The following PDE6C variants were observed in gnomAD, a reference collection of about 807,000 sequenced individuals.
PDE6C encodes the protein cone cGMP-specific 3',5'-cyclic phosphodiesterase subunit alpha'.
PDE6C carries 75 observed loss-of-function variants against 113.1 expected under a neutral mutation model. The observed-to-expected ratio is 0.66, with a 90% CI of 0.55 to 0.80. PDE6C has a LOEUF of 0.80. Among genes scored for constraint, PDE6C ranks in the 30% least tolerant of loss-of-function variants. The pLI, the probability that PDE6C is intolerant of heterozygous loss-of-function variation, is 0.00. For missense variants in PDE6C, 912 were observed against 1,038.6 expected, an observed-to-expected ratio of 0.88 and a Z score of 1.67; for synonymous variants, 375 against 363.7, an observed-to-expected ratio of 1.03 and a Z score of -0.35.
chr10:93,617,353 G>T lies in PDE6C; in HGVS notation c.481-3279G>T, dbSNP rs977088231. ...GGCTTTCAGATGCAATAATAAGCAA[G>T]TATCAAATTTTGAAACTTACAAGCC... On this transcript the variant is annotated intron_variant, in intron 1 of 21. Coordinates refer to ENST00000371447, the MANE Select transcript of PDE6C (RefSeq NM_006204.4). Among the ~76,000 whole-genome samples, 6 of 152,274 alleles carry T rather than the reference G, an allele frequency of 3.9e-5. No homozygotes were observed. The East Asian group carries it at 1.2e-3, about 29-fold the overall frequency.
chr10:93,625,800 C>T (rs1240391716), intron 5 of PDE6C, 151 bp downstream of exon 5: 3 of 677,080 alleles, frequency 4.4e-6, no homozygotes, highest in Admixed American at 2.1e-5. Context: ...CCCAGCTATG[C>T]CCCAAGCTAG....
chr10:93,621,910 T>C (rs2058448404), intron 3 of PDE6C, 22 bp from the exon 4 acceptor site: 12 of 1,610,416 alleles, frequency 7.5e-6, no homozygotes, highest in Non-Finnish European at 9.3e-6. Flanking sequence ...CTAACTGTTT[T>C]CTTTTTGATA....
At chr10:93,629,865 C>G (rs1369103123) in intron 8 of PDE6C, among the ~76,000 whole-genome samples, 2 of 152,152 alleles carry the variant, frequency 1.3e-5, no homozygotes, top group Non-Finnish European at 2.9e-5. Flanking sequence ...GTACCCACTG[C>G]TCTCCTCCTG....
chr10:93,651,876 A>G (rs776058660), intron 15 of PDE6C, among the ~76,000 whole-genome samples: 37 of 152,192 alleles, frequency 2.4e-4, no homozygotes, highest in Non-Finnish European at 4.3e-4. Flanking sequence ...TGTGTTGTCA[A>G]AGTAGGTCTT....
chr10:93,655,973 C>T (rs1264479745), intron 16 of PDE6C, 113 bp downstream of exon 16: 1 of 753,386 alleles, frequency 1.3e-6, no homozygotes, highest in Non-Finnish European at 2.5e-6. Flanking sequence ...CATACACACA[C>T]ACAGACACAC....
chr10:93,636,395 T>TGTGTGTGTGTGTGTGTGTG (rs1554890073), intron 10 of PDE6C, among the ~76,000 whole-genome samples: 8 of 148,528 alleles, frequency 5.4e-5, no homozygotes, highest in African/African-American at 2.1e-4. Context: ...TGTGTGTGTG[T>TGTGTGTGTGTGTGTGTGTG]GTGTGTGTGT....
chr10:93,662,285 T>C (rs1313488474), intron 19 of PDE6C, 152 bp downstream of exon 19: 5 of 685,878 alleles, frequency 7.3e-6, no homozygotes. Flanking sequence ...CAACATGGTG[T>C]AACCCCGTTT....
Position 93,634,741 on chromosome 10 carries a change from TC to T in PDE6C, c.1120-14del. The T allele has an allele frequency of 1.2e-6, 2 of 1,613,866 alleles. No individual in the cohort carries two copies. Among genetic ancestry groups the T allele is most frequent in the Non-Finnish European group, 1.7e-6 (2 of 1,179,864 alleles). On this transcript the variant is annotated splice_polypyrimidine_tract_variant and intron_variant, in intron 8 of 21. Coordinates refer to ENST00000371447, the MANE Select transcript of PDE6C (RefSeq NM_006204.4). ...AAAAAGGCAAAAAAATAACTTGAGG[TC>T]CCTTCTCGTTTGTAGAAAGGACCTG...
At chr10:93,660,591 C>T (rs2058661664) in intron 18 of PDE6C, among the ~76,000 whole-genome samples, 1 of 152,088 alleles carries the variant, frequency 6.6e-6, no homozygotes, top group Non-Finnish European at 1.5e-5. Context: ...CTTCCTGCTG[C>T]TTTAGTTTCC....
At chr10:93,663,471 G>C (rs2058675986) in intron 21 of PDE6C, among the ~76,000 whole-genome samples, 1 of 152,130 alleles carries the variant, frequency 6.6e-6, no homozygotes, top group South Asian at 2.1e-4. Context: ...GGGTGCTTAG[G>C]GATAATATGT....
At chr10:93,642,099 C>A (rs1161706379) in intron 14 of PDE6C, among the ~76,000 whole-genome samples, 1 of 152,180 alleles carries the variant, frequency 6.6e-6, no homozygotes, top group Non-Finnish European at 1.5e-5. Context: ...GGTGCGGTGG[C>A]TCACGCCTAT....
Position 93,626,873 on chromosome 10 carries a change from T to C in PDE6C, c.1071+2T>C, listed in dbSNP as rs751300347. 2 of 1,610,732 alleles carry C rather than the reference T, an allele frequency of 1.2e-6. No homozygotes were observed. The highest frequency in any genetic ancestry group is 2.7e-5 in the African/African-American group (2 of 74,878). On this transcript the variant is annotated splice_donor_variant, in intron 7 of 21. Coordinates refer to ENST00000371447, the MANE Select transcript of PDE6C (RefSeq NM_006204.4). LOFTEE classifies it high-confidence loss of function. ...ACATATGTTGCTGAAAATGGATTTGTAAGTTATTGAACAAATTCAAATTTT... is the reference window on the plus strand; with the variant it reads ...ACATATGTTGCTGAAAATGGATTTGCAAGTTATTGAACAAATTCAAATTTT...
At chr10:93,649,767 G>A (rs570984090) in intron 15 of PDE6C, among the ~76,000 whole-genome samples, 2 of 152,086 alleles carry the variant, frequency 1.3e-5, no homozygotes, top group South Asian at 4.2e-4. Context: ...ACCACTCCCG[G>A]TTAATTTTTG....
Position 93,626,802 on chromosome 10 carries a change from A to G in PDE6C, c.1005-3A>G, listed in dbSNP as rs2058475254. ...AATGATTTTTTTTCTTCTCTTCCCC[A>G]AGGACGCCTCCTGCAGACCACTGGA... On this transcript the variant is annotated splice_polypyrimidine_tract_variant and splice_region_variant and intron_variant, in intron 6 of 21. Transcript: ENST00000371447. The G allele has an allele frequency of 6.2e-7, 1 of 1,613,880 alleles. No individual in the cohort carries two copies. Among genetic ancestry groups the G allele is most frequent in the Non-Finnish European group, 8.5e-7 (1 of 1,179,832 alleles).
chr10:93,640,849 G>A, intron 13 of PDE6C, 71 bp from the exon 14 acceptor site: 4 of 994,724 alleles, frequency 4.0e-6, no homozygotes, highest in Non-Finnish European at 6.3e-6. Flanking sequence ...CTCTATTGCA[G>A]GCTGCACTTG....
intron 11 of PDE6C, among the ~76,000 whole-genome samples, chr10:93,639,502 G>T (rs1287727203): frequency 6.6e-6 from 1 of 152,160 alleles, no homozygotes; most frequent in Non-Finnish European, 1.5e-5. Context: ...GCAATCATTG[G>T]TTTATCCATC....
intron 15 of PDE6C, among the ~76,000 whole-genome samples, chr10:93,653,691 G>T (rs2058620279): frequency 6.6e-6 from 1 of 150,428 alleles, no homozygotes; most frequent in Admixed American, 6.6e-5. Context: ...AAAAAACATT[G>T]ATTTTGATCC....
At position 93,621,975 on chromosome 10, in the gene PDE6C, A is replaced by T. The variant is rs762557292; in HGVS notation, c.767A>T (p.Asp256Val). 2.4e-5 allele frequency: 38 copies of T among 1,613,324 alleles called. No individual in the cohort carries two copies. Among genetic ancestry groups the T allele is most frequent in the Non-Finnish European group, 3.1e-5 (37 of 1,179,766 alleles). Residue 256 changes from aspartate (D) to valine (V), a missense_variant, in exon 4 of 22, where the codon GAT (aspartate) becomes GTT (valine). Physicochemically the swap from Asp to Val is radical, Grantham distance 152. Transcript: ENST00000371447. ...SANKVFEELT[D>V]VERQFHKALY... The stretch of plus-strand genomic sequence containing the variant: ...AATAAAGTATTTGAAGAACTCACAG[A>T]TGTTGAGCGACAGTTTCACAAAGCG...
chr10:93,660,233 C>A (rs2058660079), intron 18 of PDE6C, among the ~76,000 whole-genome samples: 1 of 152,082 alleles, frequency 6.6e-6, no homozygotes, highest in African/African-American at 2.4e-5. Context: ...AAGAGAAAAG[C>A]GTACACGTTT....
Sources: allele counts gnomAD v4.1 joint callset (sites outside exome capture counted in the v4.1 genomes callset), GRCh38; gene constraint gnomAD v4.1.1; transcripts MANE v1.5; gene names NCBI Gene and HGNC (gene_info 2026-07-23, HGNC 2026-07-21).